KCNN2: variants seen among roughly 807,000 people sequenced by gnomAD.
KCNN2 encodes small conductance calcium-activated potassium channel protein 2.
In KCNN2, 24 loss-of-function variants were observed where a neutral mutation model predicts 55.5. The observed-to-expected ratio is 0.43, with a 90% CI of 0.31 to 0.61. The LOEUF (loss-of-function observed/expected upper bound fraction) is 0.61, where lower values mean the gene tolerates loss of function less well. Among genes scored for constraint, KCNN2 ranks in the 20% least tolerant of loss-of-function variants. The pLI is 0.08. For synonymous variants in KCNN2, 431 were observed against 336.1 expected (o/e 1.28, Z -3.09); for missense variants, 754 against 853.6 (o/e 0.88, Z 1.45).
intron 2 of KCNN2, among the ~76,000 whole-genome samples, chr5:114,257,657 T>TA (rs1194566784): frequency 6.6e-5 from 10 of 152,260 alleles, no homozygotes; most frequent in African/African-American, 2.4e-4. Context: ...GCTTGATTGT[T>TA]ATAGGTATAC....
intron 5 of KCNN2, 112 bp downstream of exon 5, chr5:114,473,276 A>G (rs375115038): frequency 4.0e-5 from 29 of 723,458 alleles, no homozygotes; most frequent in East Asian, 2.7e-4. Context: ...GTTTGAAAGT[A>G]TAGGCATTCT....
intron 2 of KCNN2, among the ~76,000 whole-genome samples, chr5:114,384,516 C>G (rs1284380979): frequency 6.6e-6 from 1 of 152,166 alleles, no homozygotes; most frequent in African/African-American, 2.4e-5. Flanking sequence ...AAGTGTGCTT[C>G]ACTCTGGGAT....
rs1304194176 is a variant in KCNN2 at position 114,241,822 on chromosome 5, G to GTATATATA, written c.-185+20258_-185+20259insATATATAT. 3.1e-4 allele frequency among the ~76,000 whole-genome samples: 2 copies of GTATATATA among 6,368 alleles called. 1 individual carries two copies. Among genetic ancestry groups the GTATATATA allele is most frequent in the Non-Finnish European group, 1.1e-3 (2 of 1,742 alleles). The allele number at this position is 6,368 out of a possible 152,430, so 4.2% of individuals were successfully genotyped here. ...TATATATACGTATATATATATATGT[G>GTATATATA]TGTATATATATATATATATATATGG... On this transcript the variant is annotated intron_variant, in intron 2 of 10. Coordinates refer to the KCNN2 transcript ENST00000512097.
chr5:114,248,773 A>C (rs534681287), intron 2 of KCNN2, among the ~76,000 whole-genome samples: 70 of 152,302 alleles, frequency 4.6e-4, no homozygotes, highest in South Asian at 1.5e-3. Flanking sequence ...ACTTTTTCTG[A>C]CTTCCATTAT....
chr5:114,440,071 C>G (rs1760151588), intron 3 of KCNN2, among the ~76,000 whole-genome samples: 1 of 152,060 alleles, frequency 6.6e-6, no homozygotes, highest in South Asian at 2.1e-4. Flanking sequence ...ACCCAACCAC[C>G]CAAGGCTGCA....
chr5:114,452,119 C>T (rs956219147), intron 3 of KCNN2, among the ~76,000 whole-genome samples: 3 of 152,064 alleles, frequency 2.0e-5, no homozygotes, highest in South Asian at 4.1e-4. Context: ...ACTATGAGAA[C>T]GTCAAATAGA....
At chr5:114,312,583 A>G (rs1281032505) in intron 2 of KCNN2, among the ~76,000 whole-genome samples, 2 of 151,042 alleles carry the variant, frequency 1.3e-5, no homozygotes, top group Non-Finnish European at 3.0e-5. Flanking sequence ...CTTAGCAGTA[A>G]TGTCTAAGCC....
intron 1 of KCNN2, among the ~76,000 whole-genome samples, chr5:114,140,383 C>T (rs569209790): frequency 3.5e-4 from 53 of 152,308 alleles, no homozygotes; most frequent in African/African-American, 1.3e-3. Flanking sequence ...CACCCTGTCC[C>T]CACCTGCTGT....
intron 1 of KCNN2, among the ~76,000 whole-genome samples, chr5:114,138,272 G>C (rs1440993349): frequency 6.6e-6 from 1 of 152,110 alleles, no homozygotes; most frequent in Non-Finnish European, 1.5e-5. Flanking sequence ...TCTTTAGGCA[G>C]TTCATATTTT....
Position 114,088,294 on chromosome 5 carries a change from T to C in KCNN2, c.-271+31794T>C, listed in dbSNP as rs182330942. Among the ~76,000 whole-genome samples, 531 of 152,208 alleles carry C rather than the reference T, an allele frequency of 3.5e-3. 2 individuals carry two copies. The highest frequency in any genetic ancestry group is 3.5e-3 in the Admixed American group (53 of 15,282). Reference sequence around the variant, plus strand: ...ATATGTCTTGTTTCTCTGGGTGATATTAAGTTTTTTTCATCATTTATTCTC... The same window carrying C: ...ATATGTCTTGTTTCTCTGGGTGATACTAAGTTTTTTTCATCATTTATTCTC... On this transcript the variant is annotated intron_variant, in intron 1 of 10. Transcript: ENST00000512097.
chr5:114,150,461 A>T (rs922423730), intron 1 of KCNN2, among the ~76,000 whole-genome samples: 1 of 152,342 alleles, frequency 6.6e-6, no homozygotes, highest in Admixed American at 6.5e-5. Context: ...GTTTACAAAG[A>T]TAAGTGGCCT....
At chr5:114,067,000 A>G (rs972744080) in intron 1 of KCNN2, among the ~76,000 whole-genome samples, 1 of 152,222 alleles carries the variant, frequency 6.6e-6, no homozygotes, top group African/African-American at 2.4e-5. Flanking sequence ...TTATTATTTC[A>G]CAGTAAGGAC....
At chr5:114,109,547 C>CT (rs1361982404) in intron 1 of KCNN2, among the ~76,000 whole-genome samples, 2 of 151,868 alleles carry the variant, frequency 1.3e-5, no homozygotes, top group Non-Finnish European at 2.9e-5. Flanking sequence ...GAGATGCACA[C>CT]TTTTTTTTGT....
intron 2 of KCNN2, among the ~76,000 whole-genome samples, chr5:114,254,698 A>G (rs1754946021): frequency 6.6e-6 from 1 of 152,162 alleles, no homozygotes; most frequent in African/African-American, 2.4e-5. Context: ...CCTTTTCTTT[A>G]TCATATCTGT....
chr5:114,369,232 T>C (rs1757693093), intron 2 of KCNN2, among the ~76,000 whole-genome samples: 1 of 152,192 alleles, frequency 6.6e-6, no homozygotes, highest in South Asian at 2.1e-4. Flanking sequence ...ATCTAAAAAG[T>C]TTACCATTTT....
At chr5:114,227,226 G>A (rs1012119900) in intron 2 of KCNN2, among the ~76,000 whole-genome samples, 7 of 152,134 alleles carry the variant, frequency 4.6e-5, no homozygotes, top group African/African-American at 1.7e-4. Flanking sequence ...GTTAATGAGC[G>A]AATGAAAGAA....
In KCNN2 at chr5:114,426,972, T is replaced by C. The variant is rs1759643364; in HGVS notation, c.1637+22116T>C. On this transcript the variant is annotated intron_variant, in intron 3 of 7. Transcript: ENST00000673685. ...CACAGCGGAAAGGAAAGTTTCACAT[T>C]TTGTAGACTACAAGAAAAGTTTGCT... is the stretch of plus-strand genomic sequence containing the variant. 3.9e-5 allele frequency among the ~76,000 whole-genome samples: 6 copies of C among 152,338 alleles called. No homozygotes were observed. The South Asian group carries it at 1.2e-3, about 32-fold the overall frequency.
chr5:114,199,123 A>G (rs1753617961), intron 1 of KCNN2, among the ~76,000 whole-genome samples: 1 of 152,116 alleles, frequency 6.6e-6, no homozygotes, highest in Non-Finnish European at 1.5e-5. Flanking sequence ...GGGTGCATAT[A>G]TATATAGGAT....
At chr5:114,065,014 G>T (rs138360271) in intron 1 of KCNN2, among the ~76,000 whole-genome samples, 48 of 152,256 alleles carry the variant, frequency 3.2e-4, no homozygotes, top group African/African-American at 1.2e-3. Context: ...AAAATTTGAT[G>T]TGATGTGATA....
Sources: gnomAD v4.1 joint callset for allele counts (sites outside exome capture counted in the v4.1 genomes callset) on GRCh38, gnomAD v4.1.1 for gene constraint, MANE v1.5 for transcripts, NCBI Gene and HGNC (gene_info 2026-07-23, HGNC 2026-07-21) for gene names.